The following HOXB13 variants were observed in gnomAD, a reference collection of about 807,000 sequenced individuals.
HOXB13 encodes homeobox B13, also known as homeobox protein Hox-B13.
HOXB13 carries 22 observed loss-of-function variants against 23.1 expected under a neutral mutation model. The ratio of observed to expected loss-of-function variants is 0.95; its 90% CI spans 0.68 to 1.36. The LOEUF is 1.36. Among genes scored for constraint, HOXB13 ranks in the 40% most tolerant of loss-of-function variants. HOXB13 has a pLI of 0.00. For synonymous variants in HOXB13, 173 were observed against 157.9 expected (o/e 1.10, Z -0.72); for missense variants, 386 against 376.2 (o/e 1.03, Z -0.22).
intron 1 of HOXB13, 119 bp from the exon 2 acceptor site, chr17:48,727,162 C>T (rs2038221371): frequency 8.1e-7 from 1 of 1,240,368 alleles, no homozygotes; most frequent in East Asian, 2.4e-5. Flanking sequence ...ACCCTACAGG[C>T]GCACGTGCAA....
rs1379278006 is a variant in HOXB13, at chr17:48,726,677, T to TTG, written c.*111_*112dup. 1.5e-6 allele frequency: 2 copies of TTG among 1,330,598 alleles called. No homozygotes were observed. Among genetic ancestry groups the TTG allele is most frequent in the Non-Finnish European group, 2.0e-6 (2 of 977,356 alleles). 82.4% of individuals were successfully genotyped at this position (1,330,598 alleles called of 1,614,324 possible). ...AGCAGCCAGTGGCCTGGGAAGGGTG[T>TTG]TGTCTCTAGGGGCCTCTCAGCAGAG... On this transcript the variant is annotated 3_prime_UTR_variant, in exon 2 of 2. Transcript: ENST00000290295.
At chr17:48,727,577 A>G (rs1181457445) in intron 1 of HOXB13, among the ~76,000 whole-genome samples, 16 of 152,286 alleles carry the variant, frequency 1.1e-4, no homozygotes, top group African/African-American at 3.9e-4. Context: ...TCTCTACAGT[A>G]CATCCAATAC....
Position 48,726,702 on chromosome 17 carries a change from G to T in HOXB13, c.*88C>A. The T allele has an allele frequency of 6.6e-7, 1 of 1,518,020 alleles. No individual in the cohort carries two copies. The highest frequency in any genetic ancestry group is 1.3e-5 in the South Asian group (1 of 79,950). The allele number at this position is 1,518,020 out of a possible 1,614,324, so 94.0% of individuals were successfully genotyped here. On this transcript the variant is annotated 3_prime_UTR_variant, in exon 2 of 2. Coordinates refer to ENST00000290295, the MANE Select transcript of HOXB13 (RefSeq NM_006361.6). ...TTGTCTCTAGGGGCCTCTCAGCAGA[G>T]TCCTTGGCCCCAGCCTGGGCTTGGC...
chr17:48,728,261 C>G lies in HOXB13; in HGVS notation c.333G>C (p.Ala111=), dbSNP rs757423683. Reference sequence around the variant, plus strand: ...ACTCTTCCCCGGCCGTGGGAGTCTCCGCGGGGTACGCGGCCAGGGTGGCTG... The same window carrying G: ...ACTCTTCCCCGGCCGTGGGAGTCTCGGCGGGGTACGCGGCCAGGGTGGCTG... ...AQAATLAAYP[A]ETPTAGEEYP... Residue 111 remains alanine (A), a synonymous_variant, in exon 1 of 2, where the codon GCG becomes GCC. Coordinates refer to ENST00000290295, the MANE Select transcript of HOXB13 (RefSeq NM_006361.6). 6.2e-7 allele frequency: 1 copy of G among 1,614,166 alleles called. No individual in the cohort carries two copies. The highest frequency in any genetic ancestry group is 8.5e-7 in the Non-Finnish European group (1 of 1,180,030).
At position 48,725,448 on chromosome 17, in the gene HOXB13, CTT is replaced by C. The variant is rs1190875096; in HGVS notation, c.*1340_*1341del. Reference sequence around the variant, plus strand: ...CCCACCCGACCGCGGGCCATAAACACTTGGCTGCGGCGGCCGCCGCGGGGTTT... The same window carrying C: ...CCCACCCGACCGCGGGCCATAAACACGGCTGCGGCGGCCGCCGCGGGGTTT... On this transcript the variant is annotated 3_prime_UTR_variant, in exon 2 of 2. Coordinates refer to ENST00000290295, the MANE Select transcript of HOXB13 (RefSeq NM_006361.6). 2.6e-5 allele frequency: 4 copies of C among 152,196 alleles called. No homozygotes were observed. The allele number at this position is 152,196 out of a possible 1,614,324, so 9.4% of individuals were successfully genotyped here.
chr17:48,725,006 C>T lies in HOXB13; in HGVS notation c.*1784G>A, dbSNP rs1039345150. 3.3e-4 allele frequency: 71 copies of T among 213,888 alleles called. No homozygotes were observed. The Admixed American group carries it at 3.8e-3, about 11-fold the overall frequency. The allele number at this position is 213,888 out of a possible 1,614,324, so 13.2% of individuals were successfully genotyped here. On this transcript the variant is annotated 3_prime_UTR_variant, in exon 2 of 2. Transcript: ENST00000290295. ...ATCTATCTTGCCCCCTCCCCACAGGCCCATCTGCGCTGAACTCTCGCCAGT... is the reference window on the plus strand; with the variant it reads ...ATCTATCTTGCCCCCTCCCCACAGGTCCATCTGCGCTGAACTCTCGCCAGT...
Position 48,728,548 on chromosome 17 carries a change from C to A in HOXB13, c.46G>T (p.Glu16Ter). 6.2e-7 allele frequency: 1 copy of A among 1,613,040 alleles called. No individual in the cohort carries two copies. Among genetic ancestry groups the A allele is most frequent in the East Asian group, 2.2e-5 (1 of 44,848 alleles). The stretch of plus-strand genomic sequence containing the variant: ...CCCCCTCCCGCTCCCAGCAAGCCTT[C>A]GATATCCTTGGCTCCATCCAAGGTG... The part of the protein sequence containing the change: ...YATLDGAKDI[E>*]GLLGAGGGRN... The change falls in exon 1 of 2, where the codon GAA becomes TAA. Residue 16 changes from glutamate (E) to a stop codon, truncating the protein, a stop_gained. Coordinates refer to ENST00000290295, the MANE Select transcript of HOXB13 (RefSeq NM_006361.6). LOFTEE classifies it high-confidence loss of function.
At position 48,728,386 on chromosome 17, in the gene HOXB13, G is replaced by T. The variant is rs370934116; in HGVS notation, c.208C>A (p.Pro70Thr). The T allele has an allele frequency of 1.9e-6, 3 of 1,613,788 alleles. No homozygotes were observed. Among genetic ancestry groups the T allele is most frequent in the Non-Finnish European group, 1.7e-6 (2 of 1,179,978 alleles). ...PKQCHPCPGV[P>T]QGTSPAPVPY... ...ACGGGAGCTGGGGACGTCCCCTGGG[G>T]CACCCCAGGGCATGGGTGGCATTGC... is the stretch of plus-strand genomic sequence containing the variant. The change falls in exon 1 of 2, where the codon CCC becomes ACC. Residue 70 changes from proline to threonine, a missense_variant. By Grantham distance (38) the Pro-to-Thr change is conservative. Coordinates refer to ENST00000290295, the MANE Select transcript of HOXB13 (RefSeq NM_006361.6).
At position 48,728,454 on chromosome 17, in the gene HOXB13, T is replaced by C. The variant is rs748333323; in HGVS notation, c.140A>G (p.Asn47Ser). ...GCCTGGCAGATCCAAGGGGGCATAG[T>C]TGACAGCAGGCATCAGCGTAGGCGC... Reference protein sequence around the residue: ...PAAPTLMPAVNYAPLDLPGSA... With the variant: ...PAAPTLMPAVSYAPLDLPGSA... Residue 47 changes from asparagine (N) to serine (S), a missense_variant, in exon 1 of 2, where the codon AAC becomes AGC. Physicochemically the swap from Asn to Ser is conservative, Grantham distance 46. Transcript: ENST00000290295. 173 of 1,613,168 alleles carry C rather than the reference T, an allele frequency of 1.1e-4. No individual in the cohort carries two copies. Among genetic ancestry groups the C allele is most frequent in the Non-Finnish European group, 1.3e-4 (155 of 1,179,818 alleles).
In HOXB13 at chr17:48,728,323, G is replaced by T. The variant is rs749195398; in HGVS notation, c.271C>A (p.Arg91=). The T allele has an allele frequency of 1.2e-6, 2 of 1,613,840 alleles. No homozygotes were observed. The highest frequency in any genetic ancestry group is 2.7e-5 in the African/African-American group (2 of 74,944). ...GYFGGGYYSC[R]VSRSSLKPCA... The stretch of plus-strand genomic sequence containing the variant: ...GGTTTCAGCGAGCTCCGGGACACTC[G>T]GCAGGAGTAGTACCCGCCTCCAAAG... The change falls in exon 1 of 2, where the codon CGA becomes AGA. Residue 91 remains arginine (R), a synonymous_variant. Transcript: ENST00000290295.
rs1373115485 is a variant in HOXB13, at chr17:48,726,346, G to C, written c.*444C>G. 1 of 161,884 alleles carries C rather than the reference G, an allele frequency of 6.2e-6. No homozygotes were observed. The highest frequency in any genetic ancestry group is 1.8e-4 in the East Asian group (1 of 5,658). The allele number at this position is 161,884 out of a possible 1,614,324, so 10.0% of individuals were successfully genotyped here. ...TCCTCAGTCTTCCTGCTGTTACCAG[G>C]GTGAGAGGTGTAATGGAAGGGGGTC... is the stretch of plus-strand genomic sequence containing the variant. On this transcript the variant is annotated 3_prime_UTR_variant, in exon 2 of 2. Coordinates refer to ENST00000290295, the MANE Select transcript of HOXB13 (RefSeq NM_006361.6).
rs1302205614 is a variant in HOXB13 at position 48,728,730 on chromosome 17, A to C, written c.-137T>G. 2 of 805,076 alleles carry C rather than the reference A, an allele frequency of 2.5e-6. No individual in the cohort carries two copies. The highest frequency in any genetic ancestry group is 3.9e-6 in the Non-Finnish European group (2 of 513,788). The allele number at this position is 805,076 out of a possible 1,614,324, so 49.9% of individuals were successfully genotyped here. A position where few individuals can be genotyped will look rare whatever the true frequency, so the allele number is the denominator to read the frequency against. ...CGCAAGTCGCCTGCATTCGCTCAGC[A>C]CGGCCGTCTTGACGCAAGAGACGCA... On this transcript the variant is annotated 5_prime_UTR_variant, in exon 1 of 2. Transcript: ENST00000290295.
rs918035845 is a variant in HOXB13 at position 48,726,548 on chromosome 17, T to C, written c.*242A>G. On this transcript the variant is annotated 3_prime_UTR_variant, in exon 2 of 2. Transcript: ENST00000290295. ...TTGCCACTGTCAGGATGAATGATTA[T>C]GACTGGGCCAGGTTCTTTGGGAACC... The C allele has an allele frequency of 1.1e-5, 6 of 562,304 alleles. No individual in the cohort carries two copies. Among genetic ancestry groups the C allele is most frequent in the Admixed American group, 9.2e-5 (3 of 32,734 alleles). The allele number at this position is 562,304 out of a possible 1,614,324, so 34.8% of individuals were successfully genotyped here.
chr17:48,727,442 C>T (rs921771905), intron 1 of HOXB13, among the ~76,000 whole-genome samples: 17 of 139,178 alleles, frequency 1.2e-4, no homozygotes, highest in African/African-American at 4.6e-4. Flanking sequence ...CCAATACATG[C>T]GCATACACAC....
At position 48,728,531 on chromosome 17, in the gene HOXB13, C is replaced by G. The variant is rs368505949; in HGVS notation, c.63G>C (p.Ala21=). 1 of 1,613,222 alleles carries G rather than the reference C, an allele frequency of 6.2e-7. No individual in the cohort carries two copies. Among genetic ancestry groups the G allele is most frequent in the Non-Finnish European group, 8.5e-7 (1 of 1,179,956 alleles). ...GAKDIEGLLG[A]GGGRNLVAHS... ...GGGCGACCAGATTCCGCCCCCCTCC[C>G]GCTCCCAGCAAGCCTTCGATATCCT... The change falls in exon 1 of 2, where the codon GCG becomes GCC. Residue 21 remains alanine (A), a synonymous_variant. Coordinates refer to ENST00000290295, the MANE Select transcript of HOXB13 (RefSeq NM_006361.6).
chr17:48,728,250 G>T lies in HOXB13; in HGVS notation c.344C>A (p.Thr115Lys), dbSNP rs764401781. The part of the protein sequence containing the change: ...TLAAYPAETP[T>K]AGEEYPSRPT... ...GCGGCTGGGGTACTCTTCCCCGGCC[G>T]TGGGAGTCTCCGCGGGGTACGCGGC... The change falls in exon 1 of 2, where the codon ACG becomes AAG. Residue 115 changes from threonine (T) to lysine (K), a missense_variant. Coordinates refer to ENST00000290295, the MANE Select transcript of HOXB13 (RefSeq NM_006361.6). The T allele has an allele frequency of 7.4e-6, 12 of 1,614,206 alleles. No homozygotes were observed. Among genetic ancestry groups the T allele is most frequent in the Non-Finnish European group, 1.0e-5 (12 of 1,180,044 alleles).
At position 48,728,434 on chromosome 17, in the gene HOXB13, G is replaced by A. The variant is rs769074510; in HGVS notation, c.160C>T (p.Pro54Ser). Residue 54 changes from proline (P) to serine (S), a missense_variant, in exon 1 of 2, where the codon CCA becomes TCA. By Grantham distance (74) the Pro-to-Ser change is moderately conservative. Transcript: ENST00000290295. The part of the protein sequence containing the change: ...PAVNYAPLDL[P>S]GSAEPPKQCH... The stretch of plus-strand genomic sequence containing the variant: ...TGCTTTGGCGGCTCCGCCGAGCCTG[G>A]CAGATCCAAGGGGGCATAGTTGACA... 4 of 1,613,372 alleles carry A rather than the reference G, an allele frequency of 2.5e-6. No homozygotes were observed. The highest frequency in any genetic ancestry group is 1.1e-5 in the South Asian group (1 of 91,048).
At chr17:48,727,612 C>G (rs2038225143) in intron 1 of HOXB13, among the ~76,000 whole-genome samples, 1 of 152,236 alleles carries the variant, frequency 6.6e-6, no homozygotes, top group South Asian at 2.1e-4. Flanking sequence ...CCCACACCCA[C>G]TCCCCACGCA....
Position 48,728,496 on chromosome 17 carries a change from A to G in HOXB13, c.98T>C (p.Leu33Pro). Reference sequence around the variant, plus strand: ...CGTAGGCGCCGCTGGGTGGCTGGTCAGAGGGGAGTGGGCGACCAGATTCCG... The same window carrying G: ...CGTAGGCGCCGCTGGGTGGCTGGTCGGAGGGGAGTGGGCGACCAGATTCCG... ...GGRNLVAHSP[L>P]TSHPAAPTLM... Residue 33 changes from leucine to proline, a missense_variant, in exon 1 of 2, where the codon CTG becomes CCG. Leu to Pro is a moderately conservative substitution (Grantham distance 98). Coordinates refer to ENST00000290295, the MANE Select transcript of HOXB13 (RefSeq NM_006361.6). 1 of 1,613,448 alleles carries G rather than the reference A, an allele frequency of 6.2e-7. No homozygotes were observed. The highest frequency in any genetic ancestry group is 8.5e-7 in the Non-Finnish European group (1 of 1,179,952).
Sources: gnomAD v4.1 joint callset for allele counts (sites outside exome capture counted in the v4.1 genomes callset) on GRCh38, gnomAD v4.1.1 for gene constraint, MANE v1.5 for transcripts, NCBI Gene and HGNC (gene_info 2026-07-23, HGNC 2026-07-21) for gene names.